Variants in C4orf50 observed in about 807,000 individuals in gnomAD.
The protein encoded by C4orf50 is uncharacterized protein C4orf50.
In C4orf50, 80 loss-of-function variants were observed where a neutral mutation model predicts 77.2. The observed-to-expected ratio is 1.04, with a 90% CI of 0.87 to 1.25. The LOEUF (loss-of-function observed/expected upper bound fraction) is 1.25. C4orf50 is among the 50% of genes most tolerant of loss of function. The pLI is 0.00. For missense variants in C4orf50, 1,257 were observed against 1,152.9 expected, an observed-to-expected ratio of 1.09 and a Z score of -1.31; for synonymous variants, 532 against 465.3, an observed-to-expected ratio of 1.14 and a Z score of -1.84.
At position 6,017,944 on chromosome 4, in the gene C4orf50, C is replaced by G. The variant is rs1008002918; in HGVS notation, c.287+201G>C. Among the ~76,000 whole-genome samples, 1 of 152,114 alleles carries G rather than the reference C, an allele frequency of 6.6e-6. No individual in the cohort carries two copies. The highest frequency in any genetic ancestry group is 6.5e-5 in the Admixed American group (1 of 15,274). ...ATGGAAGCCTTTGAGCAGAGGAGCC[C>G]GGGCAGCCTCATCTGCAGGTACAGA... On this transcript the variant is annotated intron_variant, in intron 23 of 33. Coordinates refer to ENST00000531445, the Ensembl canonical transcript of C4orf50. The surrounding 1 kb of genome is among the most constrained non-coding windows in gnomAD (Gnocchi z 4.7).
chr4:5,996,384 C>T (rs1291005198), intron 25 of C4orf50, among the ~76,000 whole-genome samples: 3 of 152,156 alleles, frequency 2.0e-5, no homozygotes, highest in Non-Finnish European at 4.4e-5. Context: ...CTGCTTCTCA[C>T]CCTTCGACGC....
chr4:5,976,169 G>A (rs1720268801), intron 29 of C4orf50, among the ~76,000 whole-genome samples: 1 of 152,124 alleles, frequency 6.6e-6, no homozygotes, highest in Non-Finnish European at 1.5e-5. Flanking sequence ...AGCTTGGCCG[G>A]GCGCAGTGAC....
chr4:5,996,021 T>C (rs896089628), intron 25 of C4orf50, among the ~76,000 whole-genome samples: 1 of 152,176 alleles, frequency 6.6e-6, no homozygotes, highest in African/African-American at 2.4e-5. Context: ...CAGGCTTCCC[T>C]TGGCTTCCCT....
chr4:6,002,385 GA>G (rs1721868962), intron 25 of C4orf50, among the ~76,000 whole-genome samples: 1 of 152,212 alleles, frequency 6.6e-6, no homozygotes, highest in Non-Finnish European at 1.5e-5. Context: ...ACCTAGGAGA[GA>G]ATAAATGTCT....
In C4orf50 at chr4:6,007,584, G is replaced by A. The variant is rs1385127270; in HGVS notation, c.963+412C>T. Among the ~76,000 whole-genome samples, 1 of 152,160 alleles carries A rather than the reference G, an allele frequency of 6.6e-6. No homozygotes were observed. Among genetic ancestry groups the A allele is most frequent in the Non-Finnish European group, 1.5e-5 (1 of 68,038 alleles). Reference sequence around the variant, plus strand: ...GGTATTTTTTATAAAAGCCCAAACAGATTTCAACAATGGGAAAACAAGTGG... The same window carrying A: ...GGTATTTTTTATAAAAGCCCAAACAAATTTCAACAATGGGAAAACAAGTGG... On this transcript the variant is annotated intron_variant, in intron 25 of 33. Transcript: ENST00000531445. This position sits in a 1 kb window ranked among gnomAD's most constrained non-coding sequence, Gnocchi z 4.1.
intron 7 of C4orf50, among the ~76,000 whole-genome samples, chr4:5,918,051 G>T (rs925743022): frequency 6.6e-6 from 1 of 152,200 alleles, no homozygotes; most frequent in Non-Finnish European, 1.5e-5. Flanking sequence ...GGCAACATTT[G>T]ATAAAGAAAC....
At position 6,013,302 on chromosome 4, in the gene C4orf50, T is replaced by G. The variant is rs575251061; in HGVS notation, c.288-1334A>C. 3.3e-5 allele frequency among the ~76,000 whole-genome samples: 5 copies of G among 152,300 alleles called. No homozygotes were observed. The South Asian group carries it at 1.0e-3, about 32-fold the overall frequency. Reference sequence around the variant, plus strand: ...ACTGGACCACAGGAGCAGCTCCAGTTAGCCAGAGTCAGGCTGAGCACTTTC... The same window carrying G: ...ACTGGACCACAGGAGCAGCTCCAGTGAGCCAGAGTCAGGCTGAGCACTTTC... On this transcript the variant is annotated intron_variant, in intron 23 of 33. Transcript: ENST00000531445.
intron 25 of C4orf50, among the ~76,000 whole-genome samples, chr4:6,002,415 G>A (rs554856495): frequency 6.6e-6 from 1 of 152,218 alleles, no homozygotes; most frequent in Non-Finnish European, 1.5e-5. Flanking sequence ...AAGTCAGCAG[G>A]TTTGAGGTAC....
rs1380074960 is a variant in C4orf50 at position 6,015,367 on chromosome 4, G to C, written c.287+2778C>G. 6.6e-6 allele frequency among the ~76,000 whole-genome samples: 1 copy of C among 152,154 alleles called. No individual in the cohort carries two copies. On this transcript the variant is annotated intron_variant, in intron 23 of 33. Coordinates refer to ENST00000531445, the Ensembl canonical transcript of C4orf50. This position sits in a 1 kb window ranked among gnomAD's most constrained non-coding sequence, Gnocchi z 4.4. ...CATGTGACGACACAGGGAGAAGGTG[G>C]AGTCCACAAGCCAAGGAGTGAGGCC...
chr4:5,906,943 A>C (rs1472356169), intron 7 of C4orf50, among the ~76,000 whole-genome samples: 1 of 152,266 alleles, frequency 6.6e-6, no homozygotes, highest in Admixed American at 6.5e-5. Context: ...CTTTACAAGA[A>C]TTCTGATTCT....
intron 7 of C4orf50, among the ~76,000 whole-genome samples, chr4:5,918,020 G>C (rs1478483391): frequency 6.6e-6 from 1 of 152,172 alleles, no homozygotes; most frequent in Non-Finnish European, 1.5e-5. Flanking sequence ...AGGGCCCCGA[G>C]GGTGAAGCAG....
In C4orf50 at chr4:6,011,151, C is replaced by A. The variant is rs558900445; in HGVS notation, c.426+679G>T. On this transcript the variant is annotated intron_variant, in intron 24 of 33. Coordinates refer to ENST00000531445, the Ensembl canonical transcript of C4orf50. The surrounding 1 kb of genome is among the most constrained non-coding windows in gnomAD (Gnocchi z 4.2). ...TCTCTCTCCCATGCAGGGAGAATGG[C>A]ATTCCCCAAATGACCATCTGACCCT... 6.6e-5 allele frequency among the ~76,000 whole-genome samples: 10 copies of A among 152,160 alleles called. No homozygotes were observed. Among genetic ancestry groups the A allele is most frequent in the Non-Finnish European group, 1.3e-4 (9 of 68,018 alleles).
At chr4:5,939,708 C>T (rs528655488) in intron 7 of C4orf50, among the ~76,000 whole-genome samples, 1 of 152,256 alleles carries the variant, frequency 6.6e-6, no homozygotes, top group East Asian at 1.9e-4. Context: ...TTTGTCTCTC[C>T]ATCCCCATCA....
intron 28 of C4orf50, among the ~76,000 whole-genome samples, chr4:5,982,707 G>A (rs772766289): frequency 6.6e-6 from 1 of 152,142 alleles, no homozygotes; most frequent in Non-Finnish European, 1.5e-5. Flanking sequence ...ATTGAAGGCA[G>A]AGTTGGGAGG....
At chr4:5,967,383 C>A in intron 32 of C4orf50, 31 bp downstream of exon 10, 1 of 1,595,640 alleles carries the variant, frequency 6.3e-7, no homozygotes, top group East Asian at 2.2e-5. Context: ...TCTGAGCACA[C>A]AGGCTTTTCC....
At chr4:5,978,635 T>G (rs1292817327) in intron 29 of C4orf50, among the ~76,000 whole-genome samples, 1 of 152,220 alleles carries the variant, frequency 6.6e-6, no homozygotes, top group Non-Finnish European at 1.5e-5. Flanking sequence ...ACACACTCAT[T>G]TATTGTTGGT....
intron 28 of C4orf50, among the ~76,000 whole-genome samples, chr4:5,982,000 TC>T: frequency 6.6e-6 from 1 of 151,998 alleles, no homozygotes; most frequent in Non-Finnish European, 1.5e-5. Flanking sequence ...TTCAGGTGAC[TC>T]CAGGGCTGCT....
Position 6,000,927 on chromosome 4 carries a change from C to T in C4orf50, c.964-6451G>A, listed in dbSNP as rs565412610. Among the ~76,000 whole-genome samples the T allele has an allele frequency of 3.9e-4, 59 of 152,272 alleles. 1 individual carries two copies. In the South Asian group the frequency reaches 8.7e-3, roughly 22 times the overall value. On this transcript the variant is annotated intron_variant, in intron 25 of 33. Transcript: ENST00000531445. The surrounding 1 kb of genome is among the most constrained non-coding windows in gnomAD (Gnocchi z 6.0). Reference sequence around the variant, plus strand: ...TCCCCAAAGGGATGTTATTAGGAAGCGGTGCTGAGTCCCCTCCAAGGGCAA... The same window carrying T: ...TCCCCAAAGGGATGTTATTAGGAAGTGGTGCTGAGTCCCCTCCAAGGGCAA...
chr4:5,898,612 A>C (rs1250652069), intron 7 of C4orf50: 1 of 152,242 alleles, frequency 6.6e-6, no homozygotes, highest in Non-Finnish European at 1.5e-5. Flanking sequence ...ATTAATGGCT[A>C]TAACGTCACT....
Sources: allele counts gnomAD v4.1 joint callset (sites outside exome capture counted in the v4.1 genomes callset), GRCh38; gene constraint gnomAD v4.1.1; non-coding constraint Gnocchi (gnomAD v3.1); transcripts MANE v1.5; gene names NCBI Gene and HGNC (gene_info 2026-07-23, HGNC 2026-07-21).